The following ADGRE1 variants were observed in gnomAD, a reference collection of about 807,000 sequenced individuals.
ADGRE1 encodes the protein EGF-like module receptor 1.
ADGRE1 carries 82 observed loss-of-function variants against 102.7 expected under a neutral mutation model. That is an observed-to-expected ratio of 0.80 (90% CI 0.67 to 0.96). The LOEUF (loss-of-function observed/expected upper bound fraction) is 0.96, where lower values mean the gene tolerates loss of function less well. Ranked by LOEUF, ADGRE1 falls within the 40% of genes least tolerant of loss-of-function variation. ADGRE1 has a pLI of 0.00. For missense variants in ADGRE1, 1,032 were observed against 1,085.3 expected (o/e 0.95, Z 0.69); for synonymous variants, 398 against 399.6 (o/e 1.00, Z 0.05).
At chr19:6,933,976 C>T (rs912966061) in intron 17 of ADGRE1, among the ~76,000 whole-genome samples, 1 of 152,226 alleles carries the variant, frequency 6.6e-6, no homozygotes, top group African/African-American at 2.4e-5. Flanking sequence ...TCCTAACGTA[C>T]TGGATGCACT....
At chr19:6,939,810 G>A (rs1437871788) in intron 20 of ADGRE1, among the ~76,000 whole-genome samples, 2 of 152,114 alleles carry the variant, frequency 1.3e-5, no homozygotes, top group Non-Finnish European at 2.9e-5. Context: ...GTCCAGAGTG[G>A]GCGCTGTCAA....
intron 2 of ADGRE1, among the ~76,000 whole-genome samples, chr19:6,894,459 C>T (rs1194221694): frequency 1.3e-5 from 2 of 152,036 alleles, no homozygotes; most frequent in Non-Finnish European, 2.9e-5. Flanking sequence ...GGAAGTGATG[C>T]TAAAGCAAGA....
chr19:6,899,828 C>T (rs1414067444), intron 5 of ADGRE1, among the ~76,000 whole-genome samples: 1 of 152,020 alleles, frequency 6.6e-6, no homozygotes, highest in Non-Finnish European at 1.5e-5. Context: ...CGCAGTGGCT[C>T]CTGCGTGTAA....
chr19:6,922,297 G>T (rs773304103), intron 14 of ADGRE1, among the ~76,000 whole-genome samples: 2 of 152,056 alleles, frequency 1.3e-5, no homozygotes, highest in Admixed American at 6.6e-5. Context: ...ACATGCAAAT[G>T]GGTCAAGAAG....
chr19:6,936,946 T>C (rs191174088), intron 18 of ADGRE1, among the ~76,000 whole-genome samples: 12 of 151,876 alleles, frequency 7.9e-5, no homozygotes, highest in Admixed American at 2.0e-4. Context: ...TTAGTAGAGA[T>C]GGGTTTTCAC....
chr19:6,898,640 A>G (rs1973658839), intron 5 of ADGRE1: 33 of 1,405,448 alleles, frequency 2.3e-5, no homozygotes, highest in Non-Finnish European at 3.2e-5. Context: ...GACTGTGTCA[A>G]CTCCATGGGA....
chr19:6,926,432 G>A lies in ADGRE1; in HGVS notation c.2053G>A (p.Val685Met), dbSNP rs1461168204. 1.2e-6 allele frequency: 2 copies of A among 1,614,120 alleles called. No individual in the cohort carries two copies. Among genetic ancestry groups the A allele is most frequent in the South Asian group, 1.1e-5 (1 of 91,088 alleles). Residue 685 changes from valine (V) to methionine (M), a missense_variant, in exon 16 of 21, where the codon GTG (valine) becomes ATG (methionine). Coordinates refer to ENST00000312053, the MANE Select transcript of ADGRE1 (RefSeq NM_001974.5). ...LFLACFFWML[V>M]EAVILFLMVR... ...CCTTGCCTGCTTCTTCTGGATGCTG[G>A]TGGAGGCTGTGATACTGTTCTTGAT...
intron 17 of ADGRE1, among the ~76,000 whole-genome samples, chr19:6,934,045 A>T (rs1204479137): frequency 2.0e-5 from 3 of 152,130 alleles, no homozygotes; most frequent in Non-Finnish European, 1.5e-5. Flanking sequence ...TTATTCCGAG[A>T]TTTCTGTAGT....
intron 10 of ADGRE1, among the ~76,000 whole-genome samples, chr19:6,913,090 G>A (rs142590663): frequency 1.1e-4 from 16 of 152,186 alleles, no homozygotes; most frequent in Non-Finnish European, 1.5e-4. Context: ...ATGCACCACC[G>A]TGCCTGCTCT....
chr19:6,907,399 G>A (rs535651178), intron 9 of ADGRE1, among the ~76,000 whole-genome samples: 1 of 151,512 alleles, frequency 6.6e-6, no homozygotes, highest in Non-Finnish European at 1.5e-5. Context: ...AGTGCAGTGG[G>A]GTGATCTTGG....
intron 1 of ADGRE1, among the ~76,000 whole-genome samples, chr19:6,888,989 T>C (rs2144870874): frequency 6.6e-6 from 1 of 152,194 alleles, no homozygotes; most frequent in South Asian, 2.1e-4. Context: ...ATAGTGATGA[T>C]GAAAATGGTG....
chr19:6,915,388 C>A (rs761209959), intron 11 of ADGRE1, among the ~76,000 whole-genome samples: 1 of 152,116 alleles, frequency 6.6e-6, no homozygotes, highest in Non-Finnish European at 1.5e-5. Flanking sequence ...TACAAGGATA[C>A]TTCTTGTTCC....
chr19:6,914,299 G>C (rs1049487818), intron 11 of ADGRE1, among the ~76,000 whole-genome samples: 6 of 152,220 alleles, frequency 3.9e-5, no homozygotes, highest in African/African-American at 1.2e-4. Flanking sequence ...GATCACAGCT[G>C]CTCCTTCTGC....
Position 6,897,595 on chromosome 19 carries a change from G to A in ADGRE1, c.514+48G>A, listed in dbSNP as rs372788561. 8.9e-4 allele frequency: 1,318 copies of A among 1,476,454 alleles called. 2 individuals carry two copies. Among genetic ancestry groups the A allele is most frequent in the Non-Finnish European group, 9.1e-4 (1,018 of 1,112,712 alleles). The allele number at this position is 1,476,454 out of a possible 1,614,324, so 91.5% of individuals were successfully genotyped here. A position where few individuals can be genotyped will look rare whatever the true frequency, so the allele number is the denominator to read the frequency against. On this transcript the variant is annotated intron_variant, in intron 5 of 20. Transcript: ENST00000312053. ...TATTTACCTACTTAATTAATTAAGGGTCATCTCACTGGAAGACCATATGAG... is the reference window on the plus strand; with the variant it reads ...TATTTACCTACTTAATTAATTAAGGATCATCTCACTGGAAGACCATATGAG...
chr19:6,904,303 C>CT, intron 8 of ADGRE1, 121 bp downstream of exon 8: 2 of 1,263,394 alleles, frequency 1.6e-6, no homozygotes, highest in Non-Finnish European at 2.1e-6. Context: ...TATTCTGTTT[C>CT]TTTTTCTTCT....
chr19:6,938,065 G>A (rs8113124), intron 20 of ADGRE1, among the ~76,000 whole-genome samples: 105,804 of 151,590 alleles, frequency 0.7, 37,187 homozygotes, highest in Non-Finnish European at 0.74. Flanking sequence ...GGCTGGGCGC[G>A]GTGGCTCACA....
chr19:6,918,247 C>G (rs1974476919), intron 12 of ADGRE1, among the ~76,000 whole-genome samples: 1 of 152,050 alleles, frequency 6.6e-6, no homozygotes, highest in Non-Finnish European at 1.5e-5. Context: ...CAAGACCAGC[C>G]TGGCCAACAT....
At position 6,924,678 on chromosome 19, in the gene ADGRE1, A is replaced by G; in HGVS notation, c.1792A>G (p.Met598Val). 6.2e-7 allele frequency: 1 copy of G among 1,613,330 alleles called. No homozygotes were observed. Among genetic ancestry groups the G allele is most frequent in the Middle Eastern group, 1.7e-4 (1 of 6,058 alleles). Reference protein sequence around the residue: ...AVIMASGELTMDFSLYIISHV... With the variant: ...AVIMASGELTVDFSLYIISHV... ...CAACTCTGAAATTCCTTCCTGACAG[A>G]TGGACTTTTCCTTGTACATCATTAG... The change falls in exon 15 of 21, where the codon ATG becomes GTG. Residue 598 changes from methionine to valine, a missense_variant and splice_region_variant. By Grantham distance (21) the Met-to-Val change is conservative (BLOSUM62 1). Transcript: ENST00000312053.
At chr19:6,906,304 T>C (rs180906193) in intron 8 of ADGRE1, 129 bp from the exon 9 acceptor site, 106 of 708,170 alleles carry the variant, frequency 1.5e-4, no homozygotes, top group Non-Finnish European at 2.2e-4. Flanking sequence ...TTGTTCATTT[T>C]CCCCCTTGTG....
Sources: gnomAD v4.1 joint callset for allele counts (sites outside exome capture counted in the v4.1 genomes callset) on GRCh38, gnomAD v4.1.1 for gene constraint, MANE v1.5 for transcripts, NCBI Gene and HGNC (gene_info 2026-07-23, HGNC 2026-07-21) for gene names.